Variants in KCNMA1 observed in about 807,000 individuals in gnomAD.
KCNMA1 encodes potassium calcium-activated channel subfamily M alpha 1.
Under a neutral mutation model 140.0 loss-of-function variants are expected in KCNMA1, and 29 were observed. The ratio of observed to expected loss-of-function variants is 0.21; its 90% CI spans 0.15 to 0.28. The LOEUF is 0.28. Ranked by LOEUF, KCNMA1 falls within the 10% of genes least tolerant of loss-of-function variation. KCNMA1 has a pLI of 1.00. For synonymous variants in KCNMA1, 612 were observed against 611.9 expected (o/e 1.00, Z 0.00); for missense variants, 880 against 1,602.2 (o/e 0.55, Z 7.70).
In KCNMA1 at chr10:77,025,242, GTATATATATATATATATA is replaced by G. The variant is rs1183311699; in HGVS notation, c.1928+2563_1928+2580del. Among the ~76,000 whole-genome samples the G allele has an allele frequency of 7.0e-3, 301 of 42,796 alleles. 8 individuals are homozygous for G. Among genetic ancestry groups the G allele is most frequent in the South Asian group, 0.029 (27 of 918 alleles). The allele number at this position is 42,796 out of a possible 152,430, so 28.1% of individuals were successfully genotyped here. On this transcript the variant is annotated intron_variant, in intron 16 of 27. Coordinates refer to ENST00000286628, the MANE Select transcript of KCNMA1 (RefSeq NM_001161352.2). ...ACTCTAGTTGGAGAGGGGTGTGTGT[GTATATATATATATATATA>G]TATATATATATATATATATATACAC...
chr10:77,170,316 G>C (rs1455857728), intron 5 of KCNMA1, among the ~76,000 whole-genome samples: 3 of 152,242 alleles, frequency 2.0e-5, no homozygotes, highest in African/African-American at 7.2e-5. Flanking sequence ...CTGCAAGTGA[G>C]ATGACTGGGA....
chr10:77,339,969 T>G (rs1211253621), intron 2 of KCNMA1, among the ~76,000 whole-genome samples: 2 of 152,202 alleles, frequency 1.3e-5, no homozygotes, highest in African/African-American at 4.8e-5. Flanking sequence ...CTTGACATGA[T>G]GTAGCAGCAG....
At chr10:77,605,142 C>G (rs985125297) in intron 1 of KCNMA1, among the ~76,000 whole-genome samples, 1 of 152,338 alleles carries the variant, frequency 6.6e-6, no homozygotes, top group African/African-American at 2.4e-5. Context: ...TCCCAAGGAC[C>G]GCGCCCAGCC....
chr10:77,611,855 G>A (rs568560689), intron 1 of KCNMA1, among the ~76,000 whole-genome samples: 211 of 152,276 alleles, frequency 1.4e-3, no homozygotes, highest in African/African-American at 4.5e-3. Flanking sequence ...GACTAGGTAC[G>A]CAGGGGACAG....
chr10:77,170,900 T>C (rs1467394189), intron 5 of KCNMA1, among the ~76,000 whole-genome samples: 2 of 152,208 alleles, frequency 1.3e-5, no homozygotes, highest in Non-Finnish European at 2.9e-5. Context: ...AATTGTAATA[T>C]GGAATATCAT....
At chr10:76,929,606 C>T (rs2058744433) in intron 23 of KCNMA1, among the ~76,000 whole-genome samples, 1 of 152,154 alleles carries the variant, frequency 6.6e-6, no homozygotes, top group African/African-American at 2.4e-5. Flanking sequence ...AATCAGCTGC[C>T]TGATACAAGG....
At chr10:77,489,558 C>T (rs1032163421) in intron 1 of KCNMA1, among the ~76,000 whole-genome samples, 2 of 152,128 alleles carry the variant, frequency 1.3e-5, no homozygotes, top group Non-Finnish European at 2.9e-5. Context: ...AGGTTGACCT[C>T]GAACTCCTGA....
At chr10:76,948,537 T>G (rs2065082445) in intron 22 of KCNMA1, among the ~76,000 whole-genome samples, 2 of 152,174 alleles carry the variant, frequency 1.3e-5, no homozygotes, top group Non-Finnish European at 1.5e-5. Context: ...GACTGTTTTT[T>G]CAGACTGAAG....
chr10:76,882,037 C>T (rs933615602), downstream of KCNMA1, among the ~76,000 whole-genome samples: 61 of 152,286 alleles, frequency 4.0e-4, no homozygotes, highest in African/African-American at 1.4e-3. Flanking sequence ...GTCAAAACCT[C>T]CTCCAGCCAC....
At chr10:77,430,200 A>G (rs1354412268) in intron 1 of KCNMA1, among the ~76,000 whole-genome samples, 1 of 152,204 alleles carries the variant, frequency 6.6e-6, no homozygotes, top group Non-Finnish European at 1.5e-5. Context: ...CACCCTGACA[A>G]TGTATCTTCA....
chr10:76,994,584 T>A (rs908075308), intron 19 of KCNMA1, among the ~76,000 whole-genome samples: 4 of 152,300 alleles, frequency 2.6e-5, no homozygotes, highest in Middle Eastern at 3.4e-3. Context: ...GACTAAAACA[T>A]GATGCTAGCC....
intron 3 of KCNMA1, among the ~76,000 whole-genome samples, chr10:77,231,368 G>A (rs2053524956): frequency 6.6e-6 from 1 of 152,118 alleles, no homozygotes; most frequent in Non-Finnish European, 1.5e-5. Context: ...GTTTTATATT[G>A]TTGCTTTTCA....
chr10:77,154,582 T>G (rs1179399731), intron 5 of KCNMA1, among the ~76,000 whole-genome samples: 1 of 152,222 alleles, frequency 6.6e-6, no homozygotes, highest in Non-Finnish European at 1.5e-5. Flanking sequence ...TATAGACAGC[T>G]GTGTAGCTAC....
intron 5 of KCNMA1, among the ~76,000 whole-genome samples, chr10:77,160,622 C>T (rs1168461484): frequency 2.0e-5 from 3 of 152,236 alleles, no homozygotes; most frequent in Non-Finnish European, 2.9e-5. Context: ...ACTTGTGTGA[C>T]ACTGCAGACC....
chr10:77,509,603 T>C (rs2047609580), intron 1 of KCNMA1, among the ~76,000 whole-genome samples: 1 of 152,174 alleles, frequency 6.6e-6, no homozygotes, highest in South Asian at 2.1e-4. Flanking sequence ...CATTTTACAT[T>C]CCCGCCAGCA....
chr10:77,624,757 A>T (rs1172392298), intron 1 of KCNMA1, among the ~76,000 whole-genome samples: 1 of 152,152 alleles, frequency 6.6e-6, no homozygotes, highest in African/African-American at 2.4e-5. Context: ...ATATGTCAAA[A>T]TCAAAAATCC....
chr10:77,220,215 T>G (rs2049148964), intron 3 of KCNMA1, among the ~76,000 whole-genome samples: 1 of 152,080 alleles, frequency 6.6e-6, no homozygotes, highest in African/African-American at 2.4e-5. Context: ...AGCTGGTGAG[T>G]AATTAGGCAG....
At chr10:77,366,845 T>C (rs1429167030) in intron 2 of KCNMA1, among the ~76,000 whole-genome samples, 1 of 152,224 alleles carries the variant, frequency 6.6e-6, no homozygotes, top group African/African-American at 2.4e-5. Context: ...ATGTCCTTCA[T>C]TATTTTCCCC....
At chr10:76,940,571 T>C (rs1428161805) in intron 23 of KCNMA1, among the ~76,000 whole-genome samples, 1 of 152,116 alleles carries the variant, frequency 6.6e-6, no homozygotes, top group Admixed American at 6.5e-5. Flanking sequence ...CTTCAGACAA[T>C]GCAGAGCATG....
Sources: gnomAD v4.1 joint callset for allele counts (sites outside exome capture counted in the v4.1 genomes callset) on GRCh38, gnomAD v4.1.1 for gene constraint, MANE v1.5 for transcripts, NCBI Gene and HGNC (gene_info 2026-07-23, HGNC 2026-07-21) for gene names.